Variants in DSCAM observed in about 807,000 individuals in gnomAD.
DSCAM encodes DS cell adhesion molecule.
DSCAM carries 47 observed loss-of-function variants against 217.7 expected under a neutral mutation model. That is an observed-to-expected ratio of 0.22 (90% CI 0.17 to 0.28). The LOEUF (loss-of-function observed/expected upper bound fraction) is 0.28. Ranked by LOEUF, DSCAM falls within the 10% of genes least tolerant of loss-of-function variation. The pLI is 1.00. For missense variants in DSCAM, 2,080 were observed against 2,618.3 expected (o/e 0.79, Z 4.49); for synonymous variants, 1,056 against 1,015.3 (o/e 1.04, Z -0.76).
At chr21:40,490,795 C>T (rs926744246) in intron 3 of DSCAM, among the ~76,000 whole-genome samples, 3 of 152,242 alleles carry the variant, frequency 2.0e-5, no homozygotes, top group Admixed American at 1.3e-4. Flanking sequence ...TCAGTATAAA[C>T]ACCAGCATTC....
intron 3 of DSCAM, among the ~76,000 whole-genome samples, chr21:40,411,914 T>A (rs1213892096): frequency 2.0e-5 from 3 of 152,202 alleles, no homozygotes; most frequent in Non-Finnish European, 4.4e-5. Flanking sequence ...GCTCCCATAA[T>A]TCCCATGTGT....
intron 10 of DSCAM, among the ~76,000 whole-genome samples, chr21:40,280,471 G>C (rs965541503): frequency 2.0e-5 from 3 of 151,952 alleles, no homozygotes; most frequent in African/African-American, 7.3e-5. Flanking sequence ...AAATAGGCAC[G>C]AGCCATTGTT....
At chr21:40,789,756 C>T (rs932116917) in intron 1 of DSCAM, among the ~76,000 whole-genome samples, 1 of 152,038 alleles carries the variant, frequency 6.6e-6, no homozygotes, top group African/African-American at 2.4e-5. Context: ...GGGGTTTCAC[C>T]GTGTTAGCCA....
chr21:40,235,189 C>G (rs542718800), intron 11 of DSCAM, among the ~76,000 whole-genome samples: 1 of 152,282 alleles, frequency 6.6e-6, no homozygotes, highest in African/African-American at 2.4e-5. Context: ...CCTACTGAGG[C>G]ATTGGGATAT....
At chr21:40,256,385 T>C (rs1034301463) in intron 11 of DSCAM, among the ~76,000 whole-genome samples, 1 of 146,126 alleles carries the variant, frequency 6.8e-6, no homozygotes, top group South Asian at 2.2e-4. Flanking sequence ...ACAGAACCAA[T>C]AGGAGAGAGA....
At chr21:40,370,874 G>A (rs1035421830) in intron 3 of DSCAM, among the ~76,000 whole-genome samples, 3 of 151,934 alleles carry the variant, frequency 2.0e-5, no homozygotes, top group African/African-American at 7.3e-5. Flanking sequence ...CACCCGTCTT[G>A]GCCTCCCAAA....
chr21:40,667,962 A>G (rs1454285548), intron 3 of DSCAM, among the ~76,000 whole-genome samples: 1 of 152,180 alleles, frequency 6.6e-6, no homozygotes, highest in Non-Finnish European at 1.5e-5. Flanking sequence ...TCTATCATAG[A>G]TCAAAACTTA....
At chr21:40,149,624 C>T (rs2090401492) in intron 16 of DSCAM, among the ~76,000 whole-genome samples, 3 of 149,142 alleles carry the variant, frequency 2.0e-5, no homozygotes, top group Admixed American at 2.0e-4. Flanking sequence ...CATCACTATC[C>T]CAACACCACC....
At chr21:40,225,618 G>A (rs552807771) in intron 11 of DSCAM, among the ~76,000 whole-genome samples, 74 of 152,150 alleles carry the variant, frequency 4.9e-4, no homozygotes, top group Middle Eastern at 3.4e-3. Context: ...AAGAGGCCCC[G>A]CCATCCATCC....
intron 3 of DSCAM, among the ~76,000 whole-genome samples, chr21:40,684,937 G>T (rs527712964): frequency 6.6e-6 from 1 of 152,066 alleles, no homozygotes; most frequent in Admixed American, 6.5e-5. Context: ...CAAACATCAC[G>T]GGGAGAGAGA....
In DSCAM at chr21:40,047,433, T is replaced by C. The variant is rs144456863; in HGVS notation, c.5186-3158A>G. On this transcript the variant is annotated intron_variant, in intron 30 of 32. Coordinates refer to ENST00000400454, the MANE Select transcript of DSCAM (RefSeq NM_001389.5). ...AATAAAACTCGGTGATTAAGCTTCATGCCTGCTCAGCAGCCCATGAGTTGG... is the reference window on the plus strand; with the variant it reads ...AATAAAACTCGGTGATTAAGCTTCACGCCTGCTCAGCAGCCCATGAGTTGG... Among the ~76,000 whole-genome samples the C allele has an allele frequency of 3.3e-3, 508 of 152,326 alleles. 5 individuals carry two copies. Among genetic ancestry groups the C allele is most frequent in the African/African-American group, 0.012 (489 of 41,576 alleles).
Position 40,807,529 on chromosome 21 carries a change from A to G in DSCAM, c.43+39090T>C, listed in dbSNP as rs2091799137. ...CACTCCTCTTGGAAAGCTTCTATGC[A>G]CTCCCTAGACCTGTTCCCTCCTGAT... is the stretch of plus-strand genomic sequence containing the variant. On this transcript the variant is annotated intron_variant, in intron 1 of 32. Transcript: ENST00000400454. Among the ~76,000 whole-genome samples the G allele has an allele frequency of 2.0e-5, 3 of 151,976 alleles. No homozygotes were observed. The South Asian group carries it at 6.2e-4, about 32-fold the overall frequency.
At chr21:40,706,334 G>T (rs959954666) in intron 2 of DSCAM, among the ~76,000 whole-genome samples, 4 of 152,204 alleles carry the variant, frequency 2.6e-5, no homozygotes, top group Non-Finnish European at 5.9e-5. Context: ...AATACTGTCT[G>T]AAGTGGCCCA....
At chr21:40,619,546 T>A (rs1467103727) in intron 3 of DSCAM, among the ~76,000 whole-genome samples, 1 of 152,178 alleles carries the variant, frequency 6.6e-6, no homozygotes, top group African/African-American at 2.4e-5. Context: ...TTAAGTTAAT[T>A]CATGAAAAAG....
chr21:40,080,400 T>C lies in DSCAM; in HGVS notation c.4232-60A>G, dbSNP rs1318682978. On this transcript the variant is annotated intron_variant, in intron 24 of 32. Transcript: ENST00000400454. ...TGTTTGCTTTCTATGGGAAGTGGAC[T>C]GATGCTTGCATTTTGTGTGGGTAAT... 1.0e-5 allele frequency: 14 copies of C among 1,378,424 alleles called. No individual in the cohort carries two copies. The South Asian group carries it at 2.2e-4, about 21-fold the overall frequency. The allele number at this position is 1,378,424 out of a possible 1,614,324, so 85.4% of individuals were successfully genotyped here.
At chr21:40,075,283 G>C in intron 26 of DSCAM, 70 bp from the exon 27 acceptor site, 2 of 1,550,338 alleles carry the variant, frequency 1.3e-6, no homozygotes, top group South Asian at 1.2e-5. Context: ...AGGGATGACA[G>C]GTTATAAAAA....
intron 3 of DSCAM, among the ~76,000 whole-genome samples, chr21:40,610,874 C>T (rs1398592738): frequency 2.0e-5 from 3 of 152,010 alleles, no homozygotes; most frequent in African/African-American, 4.8e-5. Flanking sequence ...CATTGCAAAC[C>T]CTCTAAAGAG....
intron 3 of DSCAM, among the ~76,000 whole-genome samples, chr21:40,501,481 G>A (rs1465787595): frequency 2.0e-5 from 3 of 152,054 alleles, no homozygotes; most frequent in Non-Finnish European, 1.5e-5. Context: ...TTTATTCATT[G>A]TGATATATAA....
chr21:40,274,667 G>T (rs901049603), intron 11 of DSCAM, among the ~76,000 whole-genome samples: 15 of 152,096 alleles, frequency 9.9e-5, no homozygotes, highest in Non-Finnish European at 7.4e-5. Flanking sequence ...ACCACAATTC[G>T]TTATCAAATT....
Sources: gnomAD v4.1 joint callset for allele counts (sites outside exome capture counted in the v4.1 genomes callset) on GRCh38, gnomAD v4.1.1 for gene constraint, MANE v1.5 for transcripts, NCBI Gene and HGNC (gene_info 2026-07-23, HGNC 2026-07-21) for gene names.